ADGRL2: variants seen among roughly 807,000 people sequenced by gnomAD.
ADGRL2 encodes the protein adhesion G protein-coupled receptor L2.
ADGRL2 carries 44 observed loss-of-function variants against 157.4 expected under a neutral mutation model. The ratio of observed to expected loss-of-function variants is 0.28; its 90% CI spans 0.22 to 0.36. ADGRL2 has a LOEUF of 0.36. Ranked by LOEUF, ADGRL2 falls within the 10% of genes least tolerant of loss-of-function variation. The pLI is 1.00. For missense variants in ADGRL2, 1,510 were observed against 1,768.9 expected, an observed-to-expected ratio of 0.85 and a Z score of 2.63; for synonymous variants, 585 against 624.7, an observed-to-expected ratio of 0.94 and a Z score of 0.95.
chr1:81,953,067 G>A (rs1262252980), intron 10 of ADGRL2, 42 bp downstream of exon 10: 3 of 1,532,536 alleles, frequency 2.0e-6, no homozygotes, highest in Non-Finnish European at 2.7e-6. Context: ...CCCTTCTTCA[G>A]CTACCTGCCA....
intron 2 of ADGRL2, among the ~76,000 whole-genome samples, chr1:81,842,091 AC>A (rs1288318068): frequency 6.6e-5 from 10 of 152,068 alleles, no homozygotes; most frequent in African/African-American, 2.4e-4. Context: ...TCAGCATCAC[AC>A]TATAAGAGCC....
At chr1:81,936,925 T>C in intron 4 of ADGRL2, 88 bp downstream of exon 4, 1 of 809,132 alleles carries the variant, frequency 1.2e-6, no homozygotes, top group South Asian at 1.5e-5. Flanking sequence ...AGCATATGTT[T>C]ATGGCCTACA....
chr1:81,918,771 C>T (rs1194663685), intron 3 of ADGRL2, among the ~76,000 whole-genome samples: 2 of 151,972 alleles, frequency 1.3e-5, no homozygotes, highest in Non-Finnish European at 1.5e-5. Flanking sequence ...TAGACTATGT[C>T]GCTAAAAATA....
At chr1:81,453,894 C>A (rs189145318) in intron 2 of ADGRL2, among the ~76,000 whole-genome samples, 1 of 152,122 alleles carries the variant, frequency 6.6e-6, no homozygotes, top group Admixed American at 6.6e-5. Context: ...CAAAGACATG[C>A]ACCAGCTCAG....
At chr1:81,906,441 G>A (rs990192747) in intron 2 of ADGRL2, among the ~76,000 whole-genome samples, 6 of 152,132 alleles carry the variant, frequency 3.9e-5, no homozygotes, top group African/African-American at 1.4e-4. Flanking sequence ...TCCATCTGCT[G>A]ATTCCTTTCA....
chr1:81,385,507 G>A (rs2076419429), intron 1 of ADGRL2, among the ~76,000 whole-genome samples: 2 of 151,816 alleles, frequency 1.3e-5, no homozygotes, highest in South Asian at 4.1e-4. Context: ...ATATTAATGG[G>A]AAAGAATAAA....
At chr1:81,676,382 CA>C (rs2082990170) in intron 3 of ADGRL2, among the ~76,000 whole-genome samples, 1 of 152,150 alleles carries the variant, frequency 6.6e-6, no homozygotes, top group African/African-American at 2.4e-5. Flanking sequence ...AATCACAGTC[CA>C]ACCTCCCGGG....
intron 1 of ADGRL2, among the ~76,000 whole-genome samples, chr1:81,712,819 G>A (rs1287761018): frequency 1.4e-5 from 2 of 144,382 alleles, no homozygotes; most frequent in African/African-American, 5.3e-5. Flanking sequence ...CTGGAGTGCA[G>A]TGGCATGATC....
chr1:81,329,434 T>C (rs1661126363), intron 1 of ADGRL2, among the ~76,000 whole-genome samples: 1 of 152,096 alleles, frequency 6.6e-6, no homozygotes, highest in South Asian at 2.1e-4. Flanking sequence ...AGGAGAAGAA[T>C]AAATATTAGG....
intron 2 of ADGRL2, among the ~76,000 whole-genome samples, chr1:81,549,686 T>G (rs551098331): frequency 6.6e-6 from 1 of 152,168 alleles, no homozygotes. Context: ...AAGCATAACA[T>G]GTAAACAAGA....
At chr1:81,680,680 C>T (rs150390616) in intron 3 of ADGRL2, among the ~76,000 whole-genome samples, 1 of 152,100 alleles carries the variant, frequency 6.6e-6, no homozygotes, top group East Asian at 1.9e-4. Flanking sequence ...CGCTCGAGAT[C>T]CAATTCAGCC....
At chr1:81,627,551 A>G (rs2081934616) in intron 3 of ADGRL2, among the ~76,000 whole-genome samples, 1 of 152,186 alleles carries the variant, frequency 6.6e-6, no homozygotes, top group African/African-American at 2.4e-5. Flanking sequence ...TCTTACAACA[A>G]TCCTACTAAA....
At position 81,943,309 on chromosome 1, in the gene ADGRL2, C is replaced by G; in HGVS notation, c.750C>G (p.Asn250Lys). ...TTAAGAGTGGCGAGGCCATAATTAA[C>G]TATGCCAACTACCATGATACCTCAC... ...TRIKSGEAII[N>K]YANYHDTSPY... The change falls in exon 6 of 24, where the codon AAC becomes AAG. Residue 250 changes from asparagine (N) to lysine (K), a missense_variant. Around this residue, in one of 4 missense-constraint regions of ADGRL2, gnomAD observed 361 missense variants for 498.4 expected, o/e 0.72. Transcript: ENST00000686636. The surrounding 1 kb of genome is among the most constrained non-coding windows in gnomAD (Gnocchi z 5.6). 1.2e-6 allele frequency: 2 copies of G among 1,613,480 alleles called. No homozygotes were observed. Among genetic ancestry groups the G allele is most frequent in the Non-Finnish European group, 8.5e-7 (1 of 1,179,628 alleles).
chr1:81,600,390 T>G (rs1194672204), intron 3 of ADGRL2, among the ~76,000 whole-genome samples: 1 of 152,206 alleles, frequency 6.6e-6, no homozygotes, highest in Non-Finnish European at 1.5e-5. Context: ...CTTGAAATTT[T>G]TCTTCTCTTC....
At chr1:81,430,111 T>A (rs1000580367) in intron 1 of ADGRL2, among the ~76,000 whole-genome samples, 2 of 152,192 alleles carry the variant, frequency 1.3e-5, no homozygotes, top group Admixed American at 6.5e-5. Flanking sequence ...CAGGCTGGTT[T>A]CGAACTCCCG....
chr1:81,446,090 G>A (rs1311364561), intron 2 of ADGRL2, among the ~76,000 whole-genome samples: 4 of 152,082 alleles, frequency 2.6e-5, no homozygotes, highest in Non-Finnish European at 5.9e-5. Context: ...TTCTGTTTTA[G>A]CAGCCTCTCT....
chr1:81,574,408 A>G (rs74863859), intron 2 of ADGRL2, among the ~76,000 whole-genome samples: 4,335 of 152,212 alleles, frequency 0.028, 226 homozygotes, highest in African/African-American at 0.099. Context: ...AGGGTCCCAG[A>G]TTATAATTGG....
At chr1:81,668,910 A>G (rs1452678491) in intron 3 of ADGRL2, among the ~76,000 whole-genome samples, 1 of 151,990 alleles carries the variant, frequency 6.6e-6, no homozygotes, top group Non-Finnish European at 1.5e-5. Flanking sequence ...GATCAACACT[A>G]ACTGTAGGAT....
At chr1:81,575,791 A>G (rs1409317236) in intron 2 of ADGRL2, among the ~76,000 whole-genome samples, 1 of 152,168 alleles carries the variant, frequency 6.6e-6, no homozygotes, top group African/African-American at 2.4e-5. Flanking sequence ...TGCAGTATAA[A>G]ATGAATTAAT....
Sources: gnomAD v4.1 joint callset for allele counts (sites outside exome capture counted in the v4.1 genomes callset) on GRCh38, gnomAD v4.1.1 for gene constraint, gnomAD v4.1.1 regional missense constraint, Gnocchi (gnomAD v3.1) non-coding constraint, MANE v1.5 for transcripts, NCBI Gene and HGNC (gene_info 2026-07-23, HGNC 2026-07-21) for gene names.